Variants in TAMM41 observed in about 807,000 individuals in gnomAD.
TAMM41 encodes the protein phosphatidate cytidylyltransferase, mitochondrial.
In TAMM41, 36 loss-of-function variants were observed where a neutral mutation model predicts 44.1. The ratio of observed to expected loss-of-function variants is 0.82; its 90% CI spans 0.63 to 1.08. The LOEUF (loss-of-function observed/expected upper bound fraction) is 1.08. Ranked by LOEUF, TAMM41 falls within the 50% of genes least tolerant of loss-of-function variation. The probability of loss-of-function intolerance (pLI) is 0.00; values close to 1 mark genes in which losing one functional copy is unlikely to be tolerated. For missense variants in TAMM41, 417 were observed against 404.3 expected (o/e 1.03, Z -0.27); for synonymous variants, 164 against 153.1 (o/e 1.07, Z -0.53).
At chr3:11,775,085 G>A in the TAMM41 span, among the ~76,000 whole-genome samples, 2 of 152,022 alleles carry the variant, frequency 1.3e-5, no homozygotes. Context: ...GGCCAGGCTG[G>A]TTTGAACTCC....
the TAMM41 span, among the ~76,000 whole-genome samples, chr3:11,775,233 GACCA>G: frequency 4.6e-5 from 7 of 151,500 alleles, no homozygotes; most frequent in African/African-American, 1.7e-4. Context: ...CACAAATTCA[GACCA>G]TAGCAAGGTT....
At chr3:11,744,180 G>A in the TAMM41 span, among the ~76,000 whole-genome samples, 1 of 151,984 alleles carries the variant, frequency 6.6e-6, no homozygotes, top group East Asian at 1.9e-4. Context: ...TGATTCTCCT[G>A]CTTCAGCCTC....
Position 11,790,485 on chromosome 3 carries a change from A to G in TAMM41, c.*20T>C, listed in dbSNP as rs1342368953. The G allele has an allele frequency of 1.2e-6, 2 of 1,605,770 alleles. No homozygotes were observed. The highest frequency in any genetic ancestry group is 1.7e-6 in the Non-Finnish European group (2 of 1,172,604). The stretch of plus-strand genomic sequence containing the variant: ...AACACTTTATTCATCTACACATAAC[A>G]TATATAAAAGCAAGCAAAATCAGGA... On this transcript the variant is annotated 3_prime_UTR_variant, in exon 8 of 8. Coordinates refer to ENST00000455809, the MANE Select transcript of TAMM41 (RefSeq NM_001284401.2).
At chr3:11,722,126 A>G in the TAMM41 span, among the ~76,000 whole-genome samples, 7 of 152,206 alleles carry the variant, frequency 4.6e-5, no homozygotes, top group African/African-American at 1.7e-4. Flanking sequence ...GTCAGTGCGG[A>G]GGTCCTAAAG....
chr3:11,779,049 C>T, the TAMM41 span, among the ~76,000 whole-genome samples: 5 of 152,200 alleles, frequency 3.3e-5, no homozygotes, highest in African/African-American at 1.2e-4. Context: ...GGGGCAGGTC[C>T]CTAATGAATA....
At chr3:11,736,625 C>T in the TAMM41 span, among the ~76,000 whole-genome samples, 37 of 152,252 alleles carry the variant, frequency 2.4e-4, no homozygotes, top group Non-Finnish European at 4.1e-4. Flanking sequence ...TTGATCACAG[C>T]GGGGCCTCAG....
At chr3:11,779,365 C>T in the TAMM41 span, among the ~76,000 whole-genome samples, 1 of 152,094 alleles carries the variant, frequency 6.6e-6, no homozygotes, top group African/African-American at 2.4e-5. Context: ...ATTGCCAGGT[C>T]GTGCAGGAAC....
At chr3:11,790,608 G>A in intron 7 of TAMM41, 27 bp from the exon 8 acceptor site, 1 of 1,582,524 alleles carries the variant, frequency 6.3e-7, no homozygotes, top group South Asian at 1.1e-5. Context: ...GAGAAAGTAA[G>A]AAGATGGAGG....
intron 4 of TAMM41, among the ~76,000 whole-genome samples, chr3:11,829,080 G>T (rs911987579): frequency 1.3e-5 from 2 of 152,140 alleles, no homozygotes; most frequent in African/African-American, 2.4e-5. Flanking sequence ...CCTCTCAGTT[G>T]TCTCAGTTTG....
chr3:11,759,427 G>A, the TAMM41 span, among the ~76,000 whole-genome samples: 1 of 151,870 alleles, frequency 6.6e-6, no homozygotes, highest in African/African-American at 2.4e-5. Context: ...CATTGGGCCA[G>A]GCAGACATGG....
downstream of TAMM41, among the ~76,000 whole-genome samples, chr3:11,790,246 G>A (rs1397626747): frequency 6.6e-6 from 1 of 152,204 alleles, no homozygotes; most frequent in Non-Finnish European, 1.5e-5. Context: ...CCTACAGAAT[G>A]CAGGACAGGC....
chr3:11,839,070 AT>A, intron 3 of TAMM41, 151 bp downstream of exon 3: 3 of 494,140 alleles, frequency 6.1e-6, no homozygotes, highest in Non-Finnish European at 1.1e-5. Context: ...ATATGTGGAT[AT>A]TATTTGGCAA....
chr3:11,748,249 A>ATGT, the TAMM41 span, among the ~76,000 whole-genome samples: 69,980 of 150,822 alleles, frequency 0.46, 17,097 homozygotes, highest in African/African-American at 0.62. Context: ...TCTCATATTA[A>ATGT]TATTAATATT....
At chr3:11,757,164 T>C in the TAMM41 span, among the ~76,000 whole-genome samples, 1 of 152,216 alleles carries the variant, frequency 6.6e-6, no homozygotes, top group East Asian at 1.9e-4. Flanking sequence ...TCTGTGTGCA[T>C]AGAAATTACA....
chr3:11,725,403 CTCTTCTTCT>C, the TAMM41 span, among the ~76,000 whole-genome samples: 4 of 129,458 alleles, frequency 3.1e-5, no homozygotes, highest in African/African-American at 1.2e-4. Flanking sequence ...TTTCTTCTTC[CTCTTCTTCT>C]TCTTCTTCTT....
intron 6 of TAMM41, chr3:11,809,122 T>G: frequency 3.4e-6 from 1 of 293,228 alleles, no homozygotes; most frequent in Non-Finnish European, 6.4e-6. Flanking sequence ...ATGAGACACA[T>G]CAAATGGAGT....
intron 7 of TAMM41, chr3:11,807,378 A>G (rs895612167): frequency 1.7e-5 from 25 of 1,505,538 alleles, no homozygotes; most frequent in African/African-American, 2.8e-5. Flanking sequence ...GATGATACCT[A>G]AAGTTGAAAC....
chr3:11,740,691 G>A, the TAMM41 span, among the ~76,000 whole-genome samples: 2 of 151,636 alleles, frequency 1.3e-5, no homozygotes, highest in South Asian at 4.2e-4. Context: ...CAAGCCTCCC[G>A]AGTAGCTGGG....
chr3:11,815,545 C>G (rs1186538098), intron 5 of TAMM41, among the ~76,000 whole-genome samples: 2 of 152,094 alleles, frequency 1.3e-5, no homozygotes, highest in Non-Finnish European at 2.9e-5. Context: ...AATGCCACAG[C>G]TCATCAATAA....
Sources: gnomAD v4.1 joint callset for allele counts (sites outside exome capture counted in the v4.1 genomes callset) on GRCh38, gnomAD v4.1.1 for gene constraint, MANE v1.5 for transcripts, NCBI Gene and HGNC (gene_info 2026-07-23, HGNC 2026-07-21) for gene names.